Variants in KIF6 observed in about 807,000 individuals in gnomAD.
KIF6 encodes kinesin family member 6.
A neutral mutation model predicts 112.7 loss-of-function variants in KIF6; 106 were observed. That is an observed-to-expected ratio of 0.94 (90% CI 0.80 to 1.11). The LOEUF (loss-of-function observed/expected upper bound fraction) is 1.11, where lower values mean the gene tolerates loss of function less well. Among genes scored for constraint, KIF6 ranks in the 50% least tolerant of loss-of-function variants. The probability of loss-of-function intolerance (pLI) is 0.00; values close to 1 mark genes in which losing one functional copy is unlikely to be tolerated. For synonymous variants in KIF6, 339 were observed against 339.9 expected (o/e 1.00, Z 0.03); for missense variants, 929 against 964.0 (o/e 0.96, Z 0.48).
At chr6:39,407,725 T>G (rs1389533244) in intron 15 of KIF6, among the ~76,000 whole-genome samples, 1 of 152,222 alleles carries the variant, frequency 6.6e-6, no homozygotes, top group East Asian at 1.9e-4. Context: ...GTTTTAACCA[T>G]CTGTATGCAG....
intron 5 of KIF6, among the ~76,000 whole-genome samples, chr6:39,626,947 A>G (rs1330445786): frequency 6.6e-6 from 1 of 152,088 alleles, no homozygotes; most frequent in Non-Finnish European, 1.5e-5. Flanking sequence ...ACTTCCCACA[A>G]TGCTCTGACT....
chr6:39,345,294 G>A (rs1041526900), intron 21 of KIF6, among the ~76,000 whole-genome samples: 31 of 152,338 alleles, frequency 2.0e-4, no homozygotes, highest in South Asian at 1.2e-3. Context: ...CATTCTAGCC[G>A]GAGGATACAA....
At chr6:39,484,911 C>CCACTCTAGG in intron 13 of KIF6, among the ~76,000 whole-genome samples, 1 of 152,130 alleles carries the variant, frequency 6.6e-6, no homozygotes, top group African/African-American at 2.4e-5. Flanking sequence ...CCCAGGGAAG[C>CCACTCTAGG]CACTCTAGGC....
chr6:39,413,187 C>T (rs1283197327), intron 15 of KIF6, among the ~76,000 whole-genome samples: 1 of 152,116 alleles, frequency 6.6e-6, no homozygotes, highest in Non-Finnish European at 1.5e-5. Context: ...AGCACCTATA[C>T]TTAAATCCAA....
chr6:39,536,814 C>T (rs979730515), intron 13 of KIF6, among the ~76,000 whole-genome samples: 13 of 152,190 alleles, frequency 8.5e-5, no homozygotes, highest in African/African-American at 1.4e-4. Context: ...CAAAAATCCT[C>T]AATAAAATAC....
chr6:39,555,337 C>T (rs1273049061), intron 10 of KIF6, among the ~76,000 whole-genome samples: 2 of 152,136 alleles, frequency 1.3e-5, no homozygotes, highest in Non-Finnish European at 2.9e-5. Context: ...GCCCCTCCCC[C>T]TATACCCATA....
chr6:39,488,288 C>A (rs556641678), intron 13 of KIF6, among the ~76,000 whole-genome samples: 1 of 152,288 alleles, frequency 6.6e-6, no homozygotes, highest in East Asian at 1.9e-4. Flanking sequence ...AGGGGTCCAG[C>A]CTCATGACAC....
chr6:39,509,339 A>G (rs1043159838), intron 13 of KIF6, among the ~76,000 whole-genome samples: 2 of 152,010 alleles, frequency 1.3e-5, no homozygotes, highest in African/African-American at 2.4e-5. Context: ...AAGGAACACA[A>G]CTCCTCTCCA....
At chr6:39,535,974 A>G (rs1257558504) in intron 13 of KIF6, among the ~76,000 whole-genome samples, 2 of 152,074 alleles carry the variant, frequency 1.3e-5, no homozygotes, top group Non-Finnish European at 2.9e-5. Flanking sequence ...CTGGGTACAT[A>G]ACGAAATGAA....
intron 13 of KIF6, among the ~76,000 whole-genome samples, chr6:39,531,769 C>T (rs143063794): frequency 6.6e-6 from 1 of 152,258 alleles, no homozygotes; most frequent in African/African-American, 2.4e-5. Flanking sequence ...GTCCACTCGA[C>T]CTCATAAATG....
At chr6:39,360,583 T>C (rs1364747755) in intron 17 of KIF6, 53 bp from the exon 18 acceptor site, 10 of 1,608,646 alleles carry the variant, frequency 6.2e-6, no homozygotes, top group Non-Finnish European at 8.5e-6. Flanking sequence ...AAGCACGGCA[T>C]GGATGCAGGG....
chr6:39,361,776 C>G (rs9380849), intron 17 of KIF6, among the ~76,000 whole-genome samples: 3 of 128,966 alleles, frequency 2.3e-5, no homozygotes, highest in South Asian at 2.5e-4. Context: ...GGGTGTGCGT[C>G]GGGGGGCAGG....
At chr6:39,668,256 T>C (rs1195307789) in intron 3 of KIF6, among the ~76,000 whole-genome samples, 1 of 152,190 alleles carries the variant, frequency 6.6e-6, no homozygotes, top group Non-Finnish European at 1.5e-5. Context: ...ATGATCTAAA[T>C]AAACCTATTT....
chr6:39,513,288 T>G (rs1776885931), intron 13 of KIF6, among the ~76,000 whole-genome samples: 1 of 152,122 alleles, frequency 6.6e-6, no homozygotes, highest in Non-Finnish European at 1.5e-5. Flanking sequence ...TCCTCCTCCC[T>G]AGTGGACCCC....
intron 3 of KIF6, among the ~76,000 whole-genome samples, chr6:39,643,451 G>A (rs1307821067): frequency 1.3e-5 from 2 of 151,936 alleles, no homozygotes; most frequent in Non-Finnish European, 2.9e-5. Context: ...TAAGACAGAG[G>A]GATACTGGCA....
intron 3 of KIF6, among the ~76,000 whole-genome samples, chr6:39,665,342 T>C (rs1243926669): frequency 2.0e-5 from 3 of 152,112 alleles, no homozygotes; most frequent in Non-Finnish European, 4.4e-5. Flanking sequence ...ACACACAAAG[T>C]CAATATGCAC....
At position 39,533,093 on chromosome 6, in the gene KIF6, G is replaced by A. The variant is rs150936591; in HGVS notation, c.1645+6910C>T. Among the ~76,000 whole-genome samples the A allele has an allele frequency of 5.5e-3, 838 of 152,312 alleles. 5 individuals are homozygous for A. The highest frequency in any genetic ancestry group is 9.4e-3 in the Non-Finnish European group (638 of 68,032). On this transcript the variant is annotated intron_variant, in intron 13 of 22. Coordinates refer to ENST00000287152, the MANE Select transcript of KIF6 (RefSeq NM_145027.6). Reference sequence around the variant, plus strand: ...TCCCAGCGTGAGCGACGCAGAAGACGGGTGATTTCTGCATTTCTGTCTAAG... The same window carrying A: ...TCCCAGCGTGAGCGACGCAGAAGACAGGTGATTTCTGCATTTCTGTCTAAG...
chr6:39,358,823 C>T lies in KIF6; in HGVS notation c.2083-1449G>A, dbSNP rs190411314. ...GCAATACCTGTGACTTTGTCACCAA[C>T]GGAAATCAAGCATATTTTCATATCA... is the stretch of plus-strand genomic sequence containing the variant. On this transcript the variant is annotated intron_variant, in intron 18 of 22. Transcript: ENST00000287152. Among the ~76,000 whole-genome samples the T allele has an allele frequency of 4.6e-5, 7 of 152,248 alleles. No individual in the cohort carries two copies. The East Asian group carries it at 1.2e-3, about 25-fold the overall frequency.
chr6:39,724,809 C>T (rs1790442277), intron 1 of KIF6, among the ~76,000 whole-genome samples: 1 of 152,184 alleles, frequency 6.6e-6, no homozygotes, highest in African/African-American at 2.4e-5. Flanking sequence ...CATAAACACG[C>T]ATCTCTTGCT....
Sources: allele counts gnomAD v4.1 joint callset (sites outside exome capture counted in the v4.1 genomes callset), GRCh38; gene constraint gnomAD v4.1.1; transcripts MANE v1.5; gene names NCBI Gene and HGNC (gene_info 2026-07-23, HGNC 2026-07-21).